Variants in SNX14 observed in about 807,000 individuals in gnomAD.
SNX14 encodes sorting nexin-14.
SNX14 carries 93 observed loss-of-function variants against 133.8 expected under a neutral mutation model. The ratio of observed to expected loss-of-function variants is 0.70; its 90% CI spans 0.59 to 0.83. SNX14 has a LOEUF of 0.83. SNX14 is among the 40% of genes least tolerant of loss of function. The pLI is 0.00. For synonymous variants in SNX14, 368 were observed against 365.6 expected, an observed-to-expected ratio of 1.01 and a Z score of -0.07; for missense variants, 945 against 1,094.9, an observed-to-expected ratio of 0.86 and a Z score of 1.93.
intron 6 of SNX14, among the ~76,000 whole-genome samples, 169 bp from the exon 7 acceptor site, chr6:85,558,229 T>A (rs1051731673): frequency 3.3e-5 from 5 of 152,164 alleles, no homozygotes; most frequent in African/African-American, 1.2e-4. Context: ...ATTAGATAAT[T>A]TTTTTACCCA....
chr6:85,523,269 CGT>C (rs1777473637), intron 21 of SNX14, among the ~76,000 whole-genome samples: 2 of 152,060 alleles, frequency 1.3e-5, no homozygotes, highest in South Asian at 4.1e-4. Context: ...TATGGTCAAA[CGT>C]GTACTTTAGG....
Position 85,593,854 on chromosome 6 carries a change from C to G in SNX14, c.-136G>C. ...CCTACCGGCAGTTAGCCGCCGCAGG[C>G]TGAGGTCGCGTCCGGCTGGGCCCAG... On this transcript the variant is annotated 5_prime_UTR_variant, in exon 1 of 29. Transcript: ENST00000314673. 6.7e-7 allele frequency: 1 copy of G among 1,488,344 alleles called. No individual in the cohort carries two copies. Among genetic ancestry groups the G allele is most frequent in the Non-Finnish European group, 8.9e-7 (1 of 1,126,302 alleles). 92.2% of individuals were successfully genotyped at this position (1,488,344 alleles called of 1,614,324 possible). A position where few individuals can be genotyped will look rare whatever the true frequency, so the allele number is the denominator to read the frequency against.
At chr6:85,586,013 A>C (rs571805326) in intron 1 of SNX14, among the ~76,000 whole-genome samples, 9 of 152,004 alleles carry the variant, frequency 5.9e-5, no homozygotes, top group Non-Finnish European at 1.2e-4. Context: ...AAAAAACTAA[A>C]TCTAATTGAG....
chr6:85,547,995 C>G (rs1392381330), intron 9 of SNX14, among the ~76,000 whole-genome samples: 1 of 152,076 alleles, frequency 6.6e-6, no homozygotes, highest in Non-Finnish European at 1.5e-5. Context: ...AAGCCAGTCA[C>G]AAAAAGACTA....
intron 1 of SNX14, among the ~76,000 whole-genome samples, chr6:85,585,834 G>A (rs1187320285): frequency 6.6e-6 from 1 of 151,588 alleles, no homozygotes; most frequent in Non-Finnish European, 1.5e-5. Flanking sequence ...ATAAATAAAT[G>A]GTAAAACCAA....
At chr6:85,552,967 T>A (rs1315285773) in intron 7 of SNX14, among the ~76,000 whole-genome samples, 1 of 152,256 alleles carries the variant, frequency 6.6e-6, no homozygotes, top group Non-Finnish European at 1.5e-5. Flanking sequence ...ATCCCCGCTT[T>A]CTGAGTCAAC....
intron 26 of SNX14, among the ~76,000 whole-genome samples, chr6:85,512,941 T>C (rs1031005230): frequency 3.9e-5 from 6 of 152,232 alleles, no homozygotes; most frequent in African/African-American, 1.2e-4. Flanking sequence ...CAGGTTCTTA[T>C]GTGCCAGACC....
At chr6:85,525,860 C>T (rs529654144) in intron 21 of SNX14, among the ~76,000 whole-genome samples, 1 of 152,176 alleles carries the variant, frequency 6.6e-6, no homozygotes, top group Admixed American at 6.5e-5. Flanking sequence ...CTCTACTTTT[C>T]TTATATTTAA....
intron 13 of SNX14, 149 bp downstream of exon 13, chr6:85,543,456 T>C (rs1330995065): frequency 9.4e-7 from 1 of 1,060,246 alleles, no homozygotes; most frequent in East Asian, 2.8e-5. Context: ...AAAGTATAAA[T>C]AAGTTTTTTC....
At chr6:85,536,971 A>T in intron 16 of SNX14, 47 bp from the exon 17 acceptor site, 1 of 1,557,338 alleles carries the variant, frequency 6.4e-7, no homozygotes, top group Non-Finnish European at 8.7e-7. Context: ...AATTATCACA[A>T]CAGTCTAGTT....
At position 85,521,168 on chromosome 6, in the gene SNX14, T is replaced by A. The variant is rs141504226; in HGVS notation, c.2108-3120A>T. Among the ~76,000 whole-genome samples, 5 of 152,324 alleles carry A rather than the reference T, an allele frequency of 3.3e-5. No individual in the cohort carries two copies. In the East Asian group the frequency reaches 9.6e-4, roughly 29 times the overall value. On this transcript the variant is annotated intron_variant, in intron 21 of 28. Transcript: ENST00000314673. ...CATGATTCTAATTTGAGTTTCCCTATTAATAAAATTAGGCACCTTTCCATG... is the reference window on the plus strand; with the variant it reads ...CATGATTCTAATTTGAGTTTCCCTAATAATAAAATTAGGCACCTTTCCATG...
rs927011464 is a variant in SNX14 at position 85,507,096 on chromosome 6, G to T, written c.2802+137C>A. 6 of 721,302 alleles carry T rather than the reference G, an allele frequency of 8.3e-6. No homozygotes were observed. The African/African-American group carries it at 9.2e-5, about 11-fold the overall frequency. The allele number at this position is 721,302 out of a possible 1,614,324, so 44.7% of individuals were successfully genotyped here. ...ATGTTTAATAAAGAAAATACAAAAG[G>T]CAATTTGCTGAGGTTAATTTTTTAA... On this transcript the variant is annotated intron_variant, in intron 28 of 28. Transcript: ENST00000314673.
At chr6:85,533,186 C>T (rs1442960301) in intron 18 of SNX14, among the ~76,000 whole-genome samples, 1 of 152,200 alleles carries the variant, frequency 6.6e-6, no homozygotes, top group African/African-American at 2.4e-5. Flanking sequence ...CATGCCTGGC[C>T]ATATTTTCAT....
intron 26 of SNX14, 69 bp from the exon 27 acceptor site, chr6:85,508,128 A>T (rs1342299694): frequency 2.4e-5 from 36 of 1,528,002 alleles, no homozygotes; most frequent in Non-Finnish European, 2.9e-5. Flanking sequence ...TGGATCATAA[A>T]GCAAAATCAC....
rs1394604366 is a variant in SNX14 at position 85,508,205 on chromosome 6, G to C, written c.2654-146C>G. The C allele has an allele frequency of 4.5e-6, 6 of 1,342,810 alleles. No homozygotes were observed. The African/African-American group carries it at 9.0e-5, about 20-fold the overall frequency. 83.2% of individuals were successfully genotyped at this position (1,342,810 alleles called of 1,614,324 possible). A position where few individuals can be genotyped will look rare whatever the true frequency, so the allele number is the denominator to read the frequency against. On this transcript the variant is annotated intron_variant, in intron 26 of 28. Transcript: ENST00000314673. ...ACTCCCCAAACCAGTGTTTCTATAA[G>C]AGGCTCCTGGATAAGAGGTTTCTAT...
At position 85,514,539 on chromosome 6, in the gene SNX14, C is replaced by T. The variant is rs867889848; in HGVS notation, c.2359G>A (p.Val787Ile). ...NQNYFMEVMT[V>I]EGVYDYLMYV... is the part of the protein sequence containing the mutation. ...ATCAGGTAATCATAGACTCCTTCTA[C>T]AGTCATCACCTCCATAAAATAATTC... Residue 787 changes from valine (V) to isoleucine (I), a missense_variant, in exon 24 of 29, where the codon GTA becomes ATA. Transcript: ENST00000314673. 4.3e-6 allele frequency: 7 copies of T among 1,613,354 alleles called. No individual in the cohort carries two copies. Among genetic ancestry groups the T allele is most frequent in the Non-Finnish European group, 5.1e-6 (6 of 1,179,752 alleles).
intron 7 of SNX14, among the ~76,000 whole-genome samples, chr6:85,553,888 C>A (rs1788717015): frequency 6.6e-6 from 1 of 151,992 alleles, no homozygotes; most frequent in African/African-American, 2.4e-5. Context: ...ATTAAGCATT[C>A]ACACATAATA....
intron 25 of SNX14, 75 bp from the exon 26 acceptor site, chr6:85,513,970 T>C: frequency 1.3e-6 from 2 of 1,557,946 alleles, no homozygotes; most frequent in South Asian, 2.4e-5. Flanking sequence ...ATAGTAGAAA[T>C]ACTAATAAAC....
At chr6:85,531,167 G>T (rs1476307549) in intron 18 of SNX14, among the ~76,000 whole-genome samples, 1 of 152,162 alleles carries the variant, frequency 6.6e-6, no homozygotes, top group East Asian at 1.9e-4. Context: ...AAATTGGGCA[G>T]CACATAGTAA....
Sources: gnomAD v4.1 joint callset for allele counts (sites outside exome capture counted in the v4.1 genomes callset) on GRCh38, gnomAD v4.1.1 for gene constraint, MANE v1.5 for transcripts, NCBI Gene and HGNC (gene_info 2026-07-23, HGNC 2026-07-21) for gene names.